The following TMOD2 variants were observed in gnomAD, a reference collection of about 807,000 sequenced individuals.
TMOD2 encodes tropomodulin-2.
A neutral mutation model predicts 39.9 loss-of-function variants in TMOD2; 22 were observed. That is an observed-to-expected ratio of 0.55 (90% CI 0.39 to 0.79). The LOEUF (loss-of-function observed/expected upper bound fraction) is 0.79, where lower values mean the gene tolerates loss of function less well. Among genes scored for constraint, TMOD2 ranks in the 30% least tolerant of loss-of-function variants. TMOD2 has a pLI of 0.00. For synonymous variants in TMOD2, 123 were observed against 146.1 expected (o/e 0.84, Z 1.14); for missense variants, 386 against 413.3 (o/e 0.93, Z 0.57).
intron 1 of TMOD2, among the ~76,000 whole-genome samples, chr15:51,752,160 G>A (rs989129623): frequency 2.6e-5 from 4 of 152,144 alleles, no homozygotes; most frequent in Non-Finnish European, 4.4e-5. Context: ...ATGGGGAGGG[G>A]TGGACTGGCC....
chr15:51,798,379 G>T, intron 8 of TMOD2, 39 bp downstream of exon 8: 1 of 1,604,626 alleles, frequency 6.2e-7, no homozygotes, highest in Non-Finnish European at 8.5e-7. Context: ...CAACTCACAG[G>T]GTGTGCAGTG....
At chr15:51,769,167 A>C (rs1353264802) in intron 3 of TMOD2, among the ~76,000 whole-genome samples, 1 of 152,256 alleles carries the variant, frequency 6.6e-6, no homozygotes, top group African/African-American at 2.4e-5. Context: ...GATGGTTCTC[A>C]AATTAGTTTA....
Position 51,782,919 on chromosome 15 carries a change from T to C in TMOD2, c.732+91T>C, listed in dbSNP as rs537579486. ...TTTCATTAGCTAACAATTTTTTAGA[T>C]CTGGAAAACTTACCTTCTACACAGT... is the stretch of plus-strand genomic sequence containing the variant. On this transcript the variant is annotated intron_variant, in intron 7 of 9. Coordinates refer to ENST00000249700, the MANE Select transcript of TMOD2 (RefSeq NM_014548.4). 3.9e-4 allele frequency: 481 copies of C among 1,242,438 alleles called. 1 individual carries two copies. Among genetic ancestry groups the C allele is most frequent in the Non-Finnish European group, 5.1e-4 (444 of 873,280 alleles). 77.0% of individuals were successfully genotyped at this position (1,242,438 alleles called of 1,614,324 possible).
chr15:51,786,494 A>G (rs530964762), intron 7 of TMOD2, among the ~76,000 whole-genome samples: 7 of 152,306 alleles, frequency 4.6e-5, no homozygotes, highest in Admixed American at 3.9e-4. Flanking sequence ...ACATGTCCCC[A>G]TTTAAGGCTG....
At chr15:51,755,674 T>G (rs537970832) in intron 1 of TMOD2, among the ~76,000 whole-genome samples, 1 of 152,280 alleles carries the variant, frequency 6.6e-6, no homozygotes, top group Admixed American at 6.5e-5. Flanking sequence ...TCCTCATTGT[T>G]GATAAACAAC....
chr15:51,800,905 A>G (rs985373451), intron 8 of TMOD2, among the ~76,000 whole-genome samples: 1 of 152,116 alleles, frequency 6.6e-6, no homozygotes, highest in Admixed American at 6.5e-5. Flanking sequence ...GGGTCTCACT[A>G]TATTTCCCAG....
chr15:51,798,120 G>C (rs1408847621), intron 7 of TMOD2, 77 bp from the exon 8 acceptor site: 1 of 1,278,646 alleles, frequency 7.8e-7, no homozygotes, highest in Non-Finnish European at 1.1e-6. Context: ...TATTTAATTT[G>C]GGAGTGAGGG....
At chr15:51,759,139 G>A (rs752762910) in intron 1 of TMOD2, among the ~76,000 whole-genome samples, 7 of 152,174 alleles carry the variant, frequency 4.6e-5, no homozygotes, top group Admixed American at 6.5e-5. Flanking sequence ...TTCTCAACAC[G>A]TTTAGGTAAG....
At chr15:51,755,847 G>A (rs536112057) in intron 1 of TMOD2, among the ~76,000 whole-genome samples, 1 of 151,880 alleles carries the variant, frequency 6.6e-6, no homozygotes, top group South Asian at 2.1e-4. Flanking sequence ...GACAAGATGA[G>A]TGAGTCAAAG....
intron 2 of TMOD2, chr15:51,766,877 T>A (rs1358347901): frequency 5.2e-6 from 1 of 191,966 alleles, no homozygotes; most frequent in Non-Finnish European, 1.1e-5. Context: ...CAAATCTTAC[T>A]GAGTTTTTTC....
At chr15:51,763,966 G>A (rs1416952219) in intron 1 of TMOD2, among the ~76,000 whole-genome samples, 1 of 152,094 alleles carries the variant, frequency 6.6e-6, no homozygotes, top group Middle Eastern at 3.2e-3. Flanking sequence ...CTTGTCCTGT[G>A]TGATGCAGTA....
intron 4 of TMOD2, among the ~76,000 whole-genome samples, chr15:51,774,664 C>T (rs2055875432): frequency 6.6e-6 from 1 of 152,134 alleles, no homozygotes; most frequent in African/African-American, 2.4e-5. Context: ...TGTTTGTGAA[C>T]TTAATATTGA....
At chr15:51,759,752 G>A (rs2055767522) in intron 1 of TMOD2, among the ~76,000 whole-genome samples, 1 of 152,104 alleles carries the variant, frequency 6.6e-6, no homozygotes, top group African/African-American at 2.4e-5. Context: ...AACAAGAAAC[G>A]GGATACACTC....
intron 1 of TMOD2, among the ~76,000 whole-genome samples, chr15:51,762,872 A>G (rs560881725): frequency 5.3e-4 from 80 of 152,296 alleles, no homozygotes; most frequent in African/African-American, 1.8e-3. Flanking sequence ...TGTGTACATC[A>G]ATAGTTCATT....
chr15:51,779,723 C>T (rs1245716679), intron 5 of TMOD2, among the ~76,000 whole-genome samples: 1 of 152,030 alleles, frequency 6.6e-6, no homozygotes, highest in Non-Finnish European at 1.5e-5. Flanking sequence ...TTCTGTTGCC[C>T]AGGCTGAAAT....
intron 7 of TMOD2, among the ~76,000 whole-genome samples, chr15:51,789,586 C>G (rs1440681978): frequency 1.3e-5 from 2 of 152,196 alleles, no homozygotes; most frequent in Non-Finnish European, 2.9e-5. Context: ...CGCACTTACT[C>G]TAAAACTGAC....
At chr15:51,781,234 G>C (rs2055927794) in intron 6 of TMOD2, 60 bp downstream of exon 6, 1 of 1,479,734 alleles carries the variant, frequency 6.8e-7, no homozygotes, top group Non-Finnish European at 9.1e-7. Context: ...AAACTTACCA[G>C]AGATGACCTA....
chr15:51,781,184 T>A lies in TMOD2; in HGVS notation c.624+10T>A. 2 of 1,591,262 alleles carry A rather than the reference T, an allele frequency of 1.3e-6. No individual in the cohort carries two copies. The highest frequency in any genetic ancestry group is 1.7e-6 in the Non-Finnish European group (2 of 1,173,020). ...CCTCAACAACATTAAGGTATTTCAT[T>A]GTGATTATCATCAGTCAGTTAATTT... On this transcript the variant is annotated intron_variant, in intron 6 of 9. Transcript: ENST00000249700.
chr15:51,757,141 C>T lies in TMOD2; in HGVS notation c.-70+5429C>T, dbSNP rs143616461. 1.4e-4 allele frequency among the ~76,000 whole-genome samples: 21 copies of T among 152,330 alleles called. No homozygotes were observed. In the East Asian group the frequency reaches 3.9e-3, roughly 28 times the overall value. The stretch of plus-strand genomic sequence containing the variant: ...AGAGGGCTGAGCGTGGTGGCTCACG[C>T]CTGTAATCCCAGCACTTTGGGATGC... On this transcript the variant is annotated intron_variant, in intron 1 of 9. Transcript: ENST00000249700.
Sources: gnomAD v4.1 joint callset for allele counts (sites outside exome capture counted in the v4.1 genomes callset) on GRCh38, gnomAD v4.1.1 for gene constraint, MANE v1.5 for transcripts, NCBI Gene and HGNC (gene_info 2026-07-23, HGNC 2026-07-21) for gene names.